Variants in DNAH10 observed in about 807,000 individuals in gnomAD.
The protein encoded by DNAH10 is dynein axonemal heavy chain 10.
DNAH10 carries 348 observed loss-of-function variants against 506.6 expected under a neutral mutation model. That is an observed-to-expected ratio of 0.69 (90% CI 0.63 to 0.75). The LOEUF (loss-of-function observed/expected upper bound fraction) is 0.75, where lower values mean the gene tolerates loss of function less well. DNAH10 is among the 30% of genes least tolerant of loss of function. The probability of loss-of-function intolerance (pLI) is 0.00; values close to 1 mark genes in which losing one functional copy is unlikely to be tolerated. For missense variants in DNAH10, 5,179 were observed against 5,787.1 expected, an observed-to-expected ratio of 0.89 and a Z score of 3.41; for synonymous variants, 2,059 against 2,198.6, an observed-to-expected ratio of 0.94 and a Z score of 1.78.
chr12:123,869,099 G>A (rs1293571729), intron 43 of DNAH10, among the ~76,000 whole-genome samples: 1 of 152,084 alleles, frequency 6.6e-6, no homozygotes, highest in Non-Finnish European at 1.5e-5. Flanking sequence ...GCAGGCCCTC[G>A]AGCATACGCT....
chr12:123,828,075 C>T (rs1960169316), intron 25 of DNAH10, among the ~76,000 whole-genome samples: 1 of 151,972 alleles, frequency 6.6e-6, no homozygotes, highest in Non-Finnish European at 1.5e-5. Flanking sequence ...ATTTTTCTTC[C>T]TATCAGTTTC....
intron 24 of DNAH10, among the ~76,000 whole-genome samples, chr12:123,823,199 C>A (rs935221995): frequency 2.0e-5 from 3 of 152,210 alleles, no homozygotes; most frequent in Non-Finnish European, 2.9e-5. Flanking sequence ...GAGCGCTGGG[C>A]AGGAGCAGAG....
At chr12:123,765,869 C>T (rs1293129126) in intron 1 of DNAH10, among the ~76,000 whole-genome samples, 1 of 151,352 alleles carries the variant, frequency 6.6e-6, no homozygotes, top group Non-Finnish European at 1.5e-5. Context: ...ATACATCTAT[C>T]TGTCTGTCTC....
At chr12:123,921,147 G>A (rs1342519557) in intron 65 of DNAH10, among the ~76,000 whole-genome samples, 1 of 152,078 alleles carries the variant, frequency 6.6e-6, no homozygotes, top group Non-Finnish European at 1.5e-5. Context: ...TTTTGTGCTC[G>A]CCTCTCTGTA....
Position 123,887,273 on chromosome 12 carries a change from G to A in DNAH10, c.8955G>A (p.Glu2985=), listed in dbSNP as rs1952777697. The A allele has an allele frequency of 5.6e-6, 9 of 1,613,932 alleles. No homozygotes were observed. Among genetic ancestry groups the A allele is most frequent in the African/African-American group, 1.3e-5 (1 of 75,034 alleles). ...TGTTCACGGATGCCCATGTGGCTGAGGAGGGCTTCCTGGAGCTCATCAACA... is the reference window on the plus strand; with the variant it reads ...TGTTCACGGATGCCCATGTGGCTGAAGAGGGCTTCCTGGAGCTCATCAACA... The part of the protein sequence containing the change: ...IFLFTDAHVA[E]EGFLELINNM... The change falls in exon 52 of 79, where the codon GAG becomes GAA. Residue 2985 remains glutamate (E), a synonymous_variant. Coordinates refer to ENST00000673944, the MANE Select transcript of DNAH10 (RefSeq NM_001372106.1).
In DNAH10 at chr12:123,790,135, C is replaced by A. The variant is rs1335542324; in HGVS notation, c.1815+14C>A. The A allele has an allele frequency of 6.2e-7, 1 of 1,612,408 alleles. No individual in the cohort carries two copies. The highest frequency in any genetic ancestry group is 1.7e-5 in the Admixed American group (1 of 59,982). On this transcript the variant is annotated intron_variant, in intron 11 of 78. Coordinates refer to ENST00000673944, the MANE Select transcript of DNAH10 (RefSeq NM_001372106.1). ...ATTGAAGTTCTGGCAAGTGACACGT[C>A]CATTGAGTCCATCTTGGGAGTCGAC...
At chr12:123,826,336 G>A (rs1959989730) in intron 24 of DNAH10, among the ~76,000 whole-genome samples, 1 of 152,250 alleles carries the variant, frequency 6.6e-6, no homozygotes, top group African/African-American at 2.4e-5. Context: ...AGCTATGACA[G>A]CACCTGAATG....
At position 123,785,644 on chromosome 12, in the gene DNAH10, A is replaced by G. The variant is rs1171762193; in HGVS notation, c.1231-102A>G. On this transcript the variant is annotated intron_variant, in intron 8 of 78. Transcript: ENST00000673944. This position sits in a 1 kb window ranked among gnomAD's most constrained non-coding sequence, Gnocchi z 4.1. ...CCAGACTTGGTCTCAAGGAAAAAAA[A>G]AAAAAAAAAAGAGTGAAACTTCTTG... 7 of 1,172,610 alleles carry G rather than the reference A, an allele frequency of 6.0e-6. No individual in the cohort carries two copies. The highest frequency in any genetic ancestry group is 3.4e-6 in the Non-Finnish European group (3 of 876,734). The allele number at this position is 1,172,610 out of a possible 1,614,324, so 72.6% of individuals were successfully genotyped here. A position where few individuals can be genotyped will look rare whatever the true frequency, so the allele number is the denominator to read the frequency against.
chr12:123,803,531 C>CCCAAGG, intron 16 of DNAH10, 130 bp from the exon 17 acceptor site: 1 of 906,420 alleles, frequency 1.1e-6, no homozygotes, highest in Non-Finnish European at 1.6e-6. Context: ...AGCCCAAAGA[C>CCCAAGG]CCAAGGGGTT....
chr12:123,881,602 TC>T (rs1952508726), intron 50 of DNAH10, 22 bp from the exon 51 acceptor site: 5 of 1,484,094 alleles, frequency 3.4e-6, no homozygotes, highest in Non-Finnish European at 4.5e-6. Context: ...GGTTTTGAAT[TC>T]TTTTTTTTTT....
rs1309317126 is a variant in DNAH10 at position 123,931,863 on chromosome 12, A to G, written c.13128+16A>G. ...ACTTCAAAGGGTGAGCCTGTCTCTCATGTGCAGATTACTGCCTAGATACGT... is the reference window on the plus strand; with the variant it reads ...ACTTCAAAGGGTGAGCCTGTCTCTCGTGTGCAGATTACTGCCTAGATACGT... On this transcript the variant is annotated intron_variant, in intron 75 of 78. Coordinates refer to ENST00000673944, the MANE Select transcript of DNAH10 (RefSeq NM_001372106.1). 3.1e-6 allele frequency: 5 copies of G among 1,613,542 alleles called. No homozygotes were observed. In the African/African-American group the frequency reaches 6.7e-5, roughly 22 times the overall value.
chr12:123,882,174 G>T (rs1017501077), intron 51 of DNAH10: 2 of 174,048 alleles, frequency 1.1e-5, no homozygotes, highest in African/African-American at 4.7e-5. Context: ...CATCTGTATT[G>T]CTTTGTTTTT....
intron 16 of DNAH10, 111 bp downstream of exon 16, chr12:123,801,543 T>C: frequency 7.5e-7 from 1 of 1,340,436 alleles, no homozygotes. Context: ...CAATTAACAA[T>C]TTTTGAGGGT....
chr12:123,932,422 C>T lies in DNAH10; in HGVS notation c.13296+314C>T, dbSNP rs563583451. On this transcript the variant is annotated intron_variant, in intron 76 of 78. Transcript: ENST00000673944. ...TGCCATTGTACAAATGTTTCATATCCTTTCTCCTCCTTCTGTATCCTAAAA... is the reference window on the plus strand; with the variant it reads ...TGCCATTGTACAAATGTTTCATATCTTTTCTCCTCCTTCTGTATCCTAAAA... Among the ~76,000 whole-genome samples the T allele has an allele frequency of 5.3e-5, 8 of 151,506 alleles. No individual in the cohort carries two copies. The East Asian group carries it at 1.2e-3, about 22-fold the overall frequency.
chr12:123,865,584 T>TA (rs1184984232), intron 40 of DNAH10, among the ~76,000 whole-genome samples: 1 of 152,146 alleles, frequency 6.6e-6, no homozygotes, highest in Non-Finnish European at 1.5e-5. Context: ...TCAACTATGT[T>TA]AAAAAAATAA....
At chr12:123,897,587 A>G (rs141637004) in intron 54 of DNAH10, among the ~76,000 whole-genome samples, 183 bp from the exon 55 acceptor site, 1 of 152,046 alleles carries the variant, frequency 6.6e-6, no homozygotes, top group African/African-American at 2.4e-5. Context: ...TTACCCAGGC[A>G]TGGTGGCCCA....
rs1391829500 is a variant in DNAH10, at chr12:123,819,157, G to T, written c.3907G>T (p.Gly1303Cys). 1 of 1,613,272 alleles carries T rather than the reference G, an allele frequency of 6.2e-7. No individual in the cohort carries two copies. Among genetic ancestry groups the T allele is most frequent in the South Asian group, 1.1e-5 (1 of 90,848 alleles). The change falls in exon 23 of 79, where the codon GGC (glycine) becomes TGC (cysteine). Residue 1303 changes from glycine to cysteine, a missense_variant. By Grantham distance (159) the Gly-to-Cys change is radical. This residue lies in a region of DNAH10 where 4,844 missense variants were observed against 5,430.5 expected (regional missense o/e 0.89). Coordinates refer to ENST00000673944, the MANE Select transcript of DNAH10 (RefSeq NM_001372106.1). ...ACCTCGTTTTTCTCAGCTTACTCGA[G>T]GCGAAATAATGAACTACAGAGTTCA... ...IKRTFTELTRGEIMNYRVQIE... is the reference protein window; with the variant it reads ...IKRTFTELTRCEIMNYRVQIE...
chr12:123,769,386 A>G (rs1286304278), intron 2 of DNAH10, among the ~76,000 whole-genome samples: 5 of 151,866 alleles, frequency 3.3e-5, no homozygotes, highest in Non-Finnish European at 5.9e-5. Flanking sequence ...CATGTTGGCC[A>G]GGCTGGTCTC....
intron 28 of DNAH10, among the ~76,000 whole-genome samples, 156 bp from the exon 29 acceptor site, chr12:123,838,300 A>G (rs1307546793): frequency 6.6e-6 from 1 of 152,228 alleles, no homozygotes; most frequent in African/African-American, 2.4e-5. Context: ...TTTAAAAATG[A>G]TAAATGGATC....
Sources: allele counts gnomAD v4.1 joint callset (sites outside exome capture counted in the v4.1 genomes callset), GRCh38; gene constraint gnomAD v4.1.1; regional missense constraint gnomAD v4.1.1; non-coding constraint Gnocchi (gnomAD v3.1); transcripts MANE v1.5; gene names NCBI Gene and HGNC (gene_info 2026-07-23, HGNC 2026-07-21).